Variants in THOP1 observed in about 807,000 individuals in gnomAD.
THOP1 encodes thimet oligopeptidase.
In THOP1, 49 loss-of-function variants were observed where a neutral mutation model predicts 71.8. The ratio of observed to expected loss-of-function variants is 0.68; its 90% CI spans 0.54 to 0.87. THOP1 has a LOEUF of 0.87. Among genes scored for constraint, THOP1 ranks in the 40% least tolerant of loss-of-function variants. The pLI, the probability that THOP1 is intolerant of heterozygous loss-of-function variation, is 0.00. For missense variants in THOP1, 843 were observed against 975.6 expected (o/e 0.86, Z 1.81); for synonymous variants, 426 against 421.5 (o/e 1.01, Z -0.13).
chr19:2,807,852 G>T (rs755746668), intron 8 of THOP1, 44 bp downstream of exon 8: 4 of 1,427,288 alleles, frequency 2.8e-6, no homozygotes, highest in South Asian at 1.5e-5. Context: ...CCGGCCCTGG[G>T]TCTCCTCGGA....
At chr19:2,803,097 G>A (rs1327533601) in intron 5 of THOP1, among the ~76,000 whole-genome samples, 2 of 152,198 alleles carry the variant, frequency 1.3e-5, no homozygotes, top group Admixed American at 1.3e-4. Context: ...GATGTCGCAG[G>A]CTCGTCCCAT....
intron 2 of THOP1, among the ~76,000 whole-genome samples, chr19:2,790,838 G>A (rs1034738965): frequency 2.3e-4 from 35 of 152,236 alleles, no homozygotes; most frequent in Admixed American, 1.5e-3. Flanking sequence ...CGTCTGGCAG[G>A]TGCTGGTCAC....
chr19:2,791,881 C>T (rs1915891088), intron 2 of THOP1, among the ~76,000 whole-genome samples: 1 of 152,238 alleles, frequency 6.6e-6, no homozygotes, highest in South Asian at 2.1e-4. Flanking sequence ...TCGGTGTGGT[C>T]TTCAGCGCCC....
intron 1 of THOP1, among the ~76,000 whole-genome samples, chr19:2,786,238 G>GAACGTA (rs1357792767): frequency 6.6e-6 from 1 of 152,146 alleles, no homozygotes; most frequent in East Asian, 1.9e-4. Flanking sequence ...AGTTTGGCTG[G>GAACGTA]AACGTAACGA....
chr19:2,812,257 G>C (rs2144786950), intron 12 of THOP1: 2 of 1,535,198 alleles, frequency 1.3e-6, no homozygotes, highest in Non-Finnish European at 8.7e-7. Context: ...CCGCTGACTT[G>C]GTGTGACCCA....
chr19:2,803,611 C>T (rs1220428084), intron 5 of THOP1, among the ~76,000 whole-genome samples: 4 of 152,226 alleles, frequency 2.6e-5, no homozygotes, highest in Non-Finnish European at 5.9e-5. Context: ...CTGGGTGACA[C>T]ACTGTCGAGA....
chr19:2,806,737 G>A, intron 6 of THOP1, 180 bp from the exon 7 acceptor site: 1 of 1,077,678 alleles, frequency 9.3e-7, no homozygotes, highest in South Asian at 1.6e-5. Context: ...AAGGCCTTGG[G>A]ATTATGATAA....
chr19:2,810,074 G>A (rs1916416366), intron 9 of THOP1: 6 of 576,230 alleles, frequency 1.0e-5, no homozygotes, highest in Non-Finnish European at 1.5e-5. Flanking sequence ...CTCCAGGGAC[G>A]GGGTCATGTG....
At chr19:2,807,903 T>A in intron 8 of THOP1, 95 bp downstream of exon 8, 1 of 1,344,094 alleles carries the variant, frequency 7.4e-7, no homozygotes, top group Non-Finnish European at 9.8e-7. Context: ...AGTCGTTGCC[T>A]GCTCCATGGG....
intron 12 of THOP1, chr19:2,812,454 G>A (rs548472077): frequency 3.0e-5 from 42 of 1,378,922 alleles, no homozygotes; most frequent in African/African-American, 4.5e-5. Context: ...GCAATGGTCC[G>A]ACAAGCCCCC....
At chr19:2,802,549 ACACCAACACCTTCCG>A (rs1916179841) in intron 5 of THOP1, among the ~76,000 whole-genome samples, 1 of 138,102 alleles carries the variant, frequency 7.2e-6, no homozygotes, top group African/African-American at 3.1e-5. Context: ...ACACCTCCCG[ACACCAACACCTTCCG>A]ACACCCCCAC....
rs115713656 is a variant in THOP1, at chr19:2,805,179, G to A, written c.750+3G>A. ...CCTTCAACTGCCGGTGCAAGGAGGT[G>A]AGAAGGCACGGCCAGGGGGCCCCAG... On this transcript the variant is annotated splice_donor_region_variant and intron_variant, in intron 6 of 12. Coordinates refer to ENST00000307741, the MANE Select transcript of THOP1 (RefSeq NM_003249.5). This position sits in a 1 kb window ranked among gnomAD's most constrained non-coding sequence, Gnocchi z 6.6. 4 of 1,610,468 alleles carry A rather than the reference G, an allele frequency of 2.5e-6. No individual in the cohort carries two copies. The South Asian group carries it at 3.3e-5, about 13-fold the overall frequency.
intron 5 of THOP1, among the ~76,000 whole-genome samples, chr19:2,800,966 G>A (rs1248156015): frequency 2.0e-5 from 3 of 152,084 alleles, no homozygotes; most frequent in African/African-American, 7.3e-5. Flanking sequence ...CAATGCCATG[G>A]CACCAAGGAT....
At chr19:2,800,382 C>T (rs1265295638) in intron 5 of THOP1, among the ~76,000 whole-genome samples, 2 of 152,164 alleles carry the variant, frequency 1.3e-5, no homozygotes, top group East Asian at 3.9e-4. Flanking sequence ...GACGGTTTCG[C>T]CGTGTTGGCC....
At chr19:2,796,301 GGGGGAGTGCTGGGCTC>G (rs1352008241) in intron 4 of THOP1, 113 bp downstream of exon 4, 9 of 832,496 alleles carry the variant, frequency 1.1e-5, no homozygotes, top group African/African-American at 3.5e-5. Context: ...GCGCAGGGCA[GGGGGAGTGCTGGGCTC>G]GGGGAGTGCT....
At chr19:2,802,170 C>T (rs1476121400) in intron 5 of THOP1, among the ~76,000 whole-genome samples, 4 of 151,668 alleles carry the variant, frequency 2.6e-5, no homozygotes, top group Non-Finnish European at 4.4e-5. Context: ...TCTCCAACAC[C>T]GCCACCTCCA....
intron 7 of THOP1, 55 bp from the exon 8 acceptor site, chr19:2,807,387 A>C: frequency 6.6e-7 from 1 of 1,514,336 alleles, no homozygotes; most frequent in Non-Finnish European, 8.8e-7. Flanking sequence ...GGGCGAGCCC[A>C]GAGCCATGGA....
chr19:2,812,116 C>A (rs934243699), intron 12 of THOP1: 1 of 1,396,626 alleles, frequency 7.2e-7, no homozygotes, highest in Admixed American at 2.8e-5. Context: ...TCTGCGTGAT[C>A]GGCCTCAGAG....
At position 2,804,146 on chromosome 19, in the gene THOP1, G is replaced by A. The variant is rs529099375; in HGVS notation, c.590-870G>A. On this transcript the variant is annotated intron_variant, in intron 5 of 12. Coordinates refer to ENST00000307741, the MANE Select transcript of THOP1 (RefSeq NM_003249.5). The surrounding 1 kb of genome is among the most constrained non-coding windows in gnomAD (Gnocchi z 4.7). ...GTTGAGGTGAACCAGTCTTTGCATT[G>A]AAGCTGCAAGCCTGAGGCACGGTGG... Among the ~76,000 whole-genome samples the A allele has an allele frequency of 1.3e-5, 2 of 152,328 alleles. No homozygotes were observed. Among genetic ancestry groups the A allele is most frequent in the African/African-American group, 4.8e-5 (2 of 41,586 alleles).
Sources: gnomAD v4.1 joint callset for allele counts (sites outside exome capture counted in the v4.1 genomes callset) on GRCh38, gnomAD v4.1.1 for gene constraint, Gnocchi (gnomAD v3.1) non-coding constraint, MANE v1.5 for transcripts, NCBI Gene and HGNC (gene_info 2026-07-23, HGNC 2026-07-21) for gene names.